Variants in HMCN1 observed in about 807,000 individuals in gnomAD.
HMCN1 encodes the protein hemicentin-1.
A neutral mutation model predicts 625.9 loss-of-function variants in HMCN1; 321 were observed. The observed-to-expected ratio is 0.51, with a 90% CI of 0.47 to 0.56. The LOEUF (loss-of-function observed/expected upper bound fraction) is 0.56, where lower values mean the gene tolerates loss of function less well. Ranked by LOEUF, HMCN1 falls within the 20% of genes least tolerant of loss-of-function variation. HMCN1 has a pLI of 0.00. For synonymous variants in HMCN1, 2,425 were observed against 2,417.6 expected (o/e 1.00, Z -0.09); for missense variants, 6,588 against 6,887.3 (o/e 0.96, Z 1.54).
intron 30 of HMCN1, among the ~76,000 whole-genome samples, chr1:186,013,755 A>G (rs1436289967): frequency 6.6e-6 from 1 of 152,186 alleles, no homozygotes; most frequent in African/African-American, 2.4e-5. Context: ...CTTAAGAGCC[A>G]ATTGAAAGAC....
intron 8 of HMCN1, among the ~76,000 whole-genome samples, chr1:185,923,995 T>C (rs1461864508): frequency 1.3e-5 from 2 of 152,176 alleles, no homozygotes; most frequent in African/African-American, 4.8e-5. Context: ...TTATATACAA[T>C]TGTCAGAAAC....
chr1:186,018,387 A>G, intron 34 of HMCN1, 35 bp downstream of exon 34: 3 of 1,568,126 alleles, frequency 1.9e-6, no homozygotes, highest in Non-Finnish European at 2.6e-6. Flanking sequence ...TTTGCATCTT[A>G]AATTAATTTA....
intron 14 of HMCN1, among the ~76,000 whole-genome samples, chr1:185,968,085 G>T (rs1197197550): frequency 6.6e-6 from 1 of 152,140 alleles, no homozygotes; most frequent in Non-Finnish European, 1.5e-5. Flanking sequence ...TAGATCTGTT[G>T]TTCCTAAAAT....
At position 185,923,433 on chromosome 1, in the gene HMCN1, T is replaced by C; in HGVS notation, c.1065T>C (p.Thr355=). ...TGCTCAATACTTCTGGAATTTCCAC[T>C]CCAGCTAGAATAGATCTTCTTGAAC... ...YVLLNTSGIS[T]PARIDLLELL... The change falls in exon 8 of 107, where the codon ACT becomes ACC. Residue 355 remains threonine, a synonymous_variant. Transcript: ENST00000271588. The C allele has an allele frequency of 1.9e-6, 3 of 1,610,944 alleles. No homozygotes were observed. Among genetic ancestry groups the C allele is most frequent in the Non-Finnish European group, 2.5e-6 (3 of 1,177,548 alleles).
At chr1:185,817,934 T>C (rs942882176) in intron 1 of HMCN1, among the ~76,000 whole-genome samples, 2 of 152,194 alleles carry the variant, frequency 1.3e-5, no homozygotes, top group Non-Finnish European at 1.5e-5. Flanking sequence ...TTCTCTCAGA[T>C]TGGTGCTTTT....
At position 186,093,599 on chromosome 1, in the gene HMCN1, T is replaced by C; in HGVS notation, c.10126T>C (p.Trp3376Arg). Residue 3376 changes from tryptophan (W) to arginine (R), a missense_variant, in exon 66 of 107, where the codon TGG becomes CGG. By Grantham distance (101) the Trp-to-Arg change is moderately radical (BLOSUM62 -3). Coordinates refer to ENST00000271588, the MANE Select transcript of HMCN1 (RefSeq NM_031935.3). ...ATGTPPPQIN[W>R]LKNGLPLPLS... is the part of the protein sequence containing the mutation. ...AGGGACGCCTCCACCACAGATAAAC[T>C]GGCTGAAGAATGGACTTCCTCTGCC... is the stretch of plus-strand genomic sequence containing the variant. The C allele has an allele frequency of 1.9e-6, 3 of 1,613,480 alleles. No individual in the cohort carries two copies. The highest frequency in any genetic ancestry group is 2.5e-6 in the Non-Finnish European group (3 of 1,179,648).
intron 4 of HMCN1, among the ~76,000 whole-genome samples, chr1:185,867,398 A>G (rs1365299204): frequency 1.3e-5 from 2 of 152,194 alleles, no homozygotes; most frequent in Admixed American, 6.5e-5. Context: ...GTCCTATCTC[A>G]TACACTGTAC....
rs746028976 is a variant in HMCN1, at chr1:185,987,473, A to G, written c.2977A>G (p.Ile993Val). The change falls in exon 20 of 107, where the codon ATT becomes GTT. Residue 993 changes from isoleucine (I) to valine (V), a missense_variant. Ile to Val is a conservative substitution (Grantham distance 29). This residue lies in a region of HMCN1 where 4,628 missense variants were observed against 4,853.1 expected (regional missense o/e 0.95). Coordinates refer to ENST00000271588, the MANE Select transcript of HMCN1 (RefSeq NM_031935.3). ...IQHGQQILST[I>V]EGIPVTLPCK... ...GCATGGGCAGCAGATACTCAGTACA[A>G]TTGAAGGCATTCCAGTAACTTTACC... 7.4e-6 allele frequency: 12 copies of G among 1,613,986 alleles called. No homozygotes were observed. Among genetic ancestry groups the G allele is most frequent in the South Asian group, 1.1e-5 (1 of 91,080 alleles).
chr1:186,001,479 T>C (rs1558132295), intron 27 of HMCN1, 51 bp downstream of exon 27: 4 of 1,598,600 alleles, frequency 2.5e-6, no homozygotes, highest in Non-Finnish European at 3.4e-6. Flanking sequence ...GCATCTGAAG[T>C]AGGTTGTTCA....
Position 186,106,932 on chromosome 1 carries a change from G to C in HMCN1, c.10819G>C (p.Asp3607His). Reference sequence around the variant, plus strand: ...ATGTCTGGCATCCAGTCCTGCAGGAGATGATGATAAGGAATATCTAGTGAG... The same window carrying C: ...ATGTCTGGCATCCAGTCCTGCAGGACATGATGATAAGGAATATCTAGTGAG... ...YTCLASSPAG[D>H]DDKEYLVRVH... Residue 3607 changes from aspartate to histidine, a missense_variant, in exon 70 of 107, where the codon GAT (aspartate) becomes CAT (histidine). By Grantham distance (81) the Asp-to-His change is moderately conservative (BLOSUM62 -1). Transcript: ENST00000271588. 6.2e-7 allele frequency: 1 copy of C among 1,612,928 alleles called. No homozygotes were observed. Among genetic ancestry groups the C allele is most frequent in the Non-Finnish European group, 8.5e-7 (1 of 1,178,888 alleles).
chr1:186,094,212 A>T, intron 66 of HMCN1, 64 bp from the exon 67 acceptor site: 1 of 1,243,242 alleles, frequency 8.0e-7, no homozygotes, highest in African/African-American at 1.5e-5. Context: ...ATAAATCATA[A>T]TTATTTTATG....
At chr1:186,152,954 G>T in intron 96 of HMCN1, 83 bp downstream of exon 96, 2 of 1,535,780 alleles carry the variant, frequency 1.3e-6, no homozygotes, top group South Asian at 1.1e-5. Context: ...CAGATAACTT[G>T]TTCACTCTGT....
At chr1:185,863,584 A>C (rs1246264604) in intron 2 of HMCN1, among the ~76,000 whole-genome samples, 1 of 152,354 alleles carries the variant, frequency 6.6e-6, no homozygotes, top group East Asian at 1.9e-4. Context: ...GGAAACAAAC[A>C]GGATATAATT....
intron 100 of HMCN1, among the ~76,000 whole-genome samples, chr1:186,170,512 G>C (rs1468639297): frequency 6.6e-6 from 1 of 152,136 alleles, no homozygotes; most frequent in East Asian, 1.9e-4. Flanking sequence ...GTTTATTGAA[G>C]CACTATTCAC....
intron 105 of HMCN1, among the ~76,000 whole-genome samples, 161 bp downstream of exon 105, chr1:186,182,448 A>G (rs192911628): frequency 6.6e-6 from 1 of 152,308 alleles, no homozygotes; most frequent in African/African-American, 2.4e-5. Flanking sequence ...AAGCAGGAGA[A>G]GCAATGGGAG....
At chr1:186,070,842 T>C (rs1558195326) in intron 52 of HMCN1, 85 bp downstream of exon 52, 1 of 1,325,814 alleles carries the variant, frequency 7.5e-7, no homozygotes, top group African/African-American at 1.5e-5. Flanking sequence ...TAGACACAAG[T>C]GACTCAGAGA....
rs368702685 is a variant in HMCN1, at chr1:185,981,067, G to A, written c.2656G>A (p.Gly886Arg). 3.1e-5 allele frequency: 49 copies of A among 1,592,396 alleles called. No individual in the cohort carries two copies. The Middle Eastern group carries it at 6.7e-4, about 22-fold the overall frequency. The stretch of plus-strand genomic sequence containing the variant: ...GTCAGAGACAACAGTAACAGTGACC[G>A]GACTTGGTAAGATCAATTGAATGTC... ...IQSETTVTVT[G>R]LVAPLIGISP... The change falls in exon 17 of 107, where the codon GGA (glycine) becomes AGA (arginine). Residue 886 changes from glycine (G) to arginine (R), a missense_variant. Around this residue, in one of 3 missense-constraint regions of HMCN1, gnomAD observed 4,628 missense variants for 4,853.1 expected, o/e 0.95. Coordinates refer to ENST00000271588, the MANE Select transcript of HMCN1 (RefSeq NM_031935.3).
intron 22 of HMCN1, among the ~76,000 whole-genome samples, chr1:185,992,257 G>A (rs1044356341): frequency 1.4e-4 from 21 of 152,114 alleles, no homozygotes; most frequent in African/African-American, 4.6e-4. Flanking sequence ...TGTACAGAAG[G>A]TTTCAGTTTT....
rs1381421887 is a variant in HMCN1, at chr1:186,190,852, A to G, written c.*974A>G. ...TATATTACCTTAGTGTGCATTTTCT[A>G]TATAATATCTTGATGGACTCTTTTA... On this transcript the variant is annotated 3_prime_UTR_variant, in exon 107 of 107. Coordinates refer to ENST00000271588, the MANE Select transcript of HMCN1 (RefSeq NM_031935.3). 3 of 189,198 alleles carry G rather than the reference A, an allele frequency of 1.6e-5. No homozygotes were observed. The highest frequency in any genetic ancestry group is 4.7e-5 in the African/African-American group (2 of 42,960). 11.7% of individuals were successfully genotyped at this position (189,198 alleles called of 1,614,324 possible).
Sources: gnomAD v4.1 joint callset for allele counts (sites outside exome capture counted in the v4.1 genomes callset) on GRCh38, gnomAD v4.1.1 for gene constraint, gnomAD v4.1.1 regional missense constraint, MANE v1.5 for transcripts, NCBI Gene and HGNC (gene_info 2026-07-23, HGNC 2026-07-21) for gene names.